SPATA17: variants seen among roughly 807,000 people sequenced by gnomAD.
The protein encoded by SPATA17 is spermatogenesis-associated protein 17.
SPATA17 carries 53 observed loss-of-function variants against 62.2 expected under a neutral mutation model. The observed-to-expected ratio is 0.85, with a 90% CI of 0.68 to 1.07. SPATA17 has a LOEUF of 1.07. Among genes scored for constraint, SPATA17 ranks in the 50% least tolerant of loss-of-function variants. The pLI, the probability that SPATA17 is intolerant of heterozygous loss-of-function variation, is 0.00. For synonymous variants in SPATA17, 146 were observed against 146.8 expected (o/e 0.99, Z 0.04); for missense variants, 466 against 425.5 (o/e 1.10, Z -0.84).
chr1:217,783,124 TATA>T (rs1479140751), intron 8 of SPATA17, among the ~76,000 whole-genome samples: 1 of 150,682 alleles, frequency 6.6e-6, no homozygotes, highest in Admixed American at 6.6e-5. Flanking sequence ...AATATAAAAT[TATA>T]ATCATTTATT....
intron 8 of SPATA17, among the ~76,000 whole-genome samples, chr1:217,794,015 G>C (rs11117938): frequency 0.47 from 70,311 of 150,554 alleles, 17,244 homozygotes; most frequent in Non-Finnish European, 0.55. Flanking sequence ...ACTCTGGAGG[G>C]TAAGGCAGGA....
intron 9 of SPATA17, among the ~76,000 whole-genome samples, chr1:217,839,133 T>C (rs1675332236): frequency 6.6e-6 from 1 of 152,094 alleles, no homozygotes; most frequent in African/African-American, 2.4e-5. Flanking sequence ...TAGTGCAGTG[T>C]CAACCATATC....
intron 9 of SPATA17, among the ~76,000 whole-genome samples, chr1:217,808,946 G>C (rs1368681404): frequency 1.3e-5 from 2 of 152,026 alleles, no homozygotes; most frequent in Admixed American, 6.6e-5. Context: ...TTATATGCCT[G>C]CAACATAAAG....
Position 217,641,101 on chromosome 1 carries a change from G to T in SPATA17, c.69-7781G>T, listed in dbSNP as rs564108904. ...TGTTTCGAAAACAAAATTAAACATA[G>T]AAAATAAGTGGCCGTGGAAGATTTA... On this transcript the variant is annotated intron_variant, in intron 1 of 10. Coordinates refer to ENST00000366933, the MANE Select transcript of SPATA17 (RefSeq NM_138796.4). Among the ~76,000 whole-genome samples, 11 of 152,120 alleles carry T rather than the reference G, an allele frequency of 7.2e-5. No individual in the cohort carries two copies. In the East Asian group the frequency reaches 1.7e-3, roughly 24 times the overall value.
chr1:217,634,670 A>C lies in SPATA17; in HGVS notation c.68+3224A>C, dbSNP rs558026056. Among the ~76,000 whole-genome samples the C allele has an allele frequency of 4.6e-5, 7 of 152,336 alleles. No individual in the cohort carries two copies. The East Asian group carries it at 1.4e-3, about 29-fold the overall frequency. On this transcript the variant is annotated intron_variant, in intron 1 of 10. Coordinates refer to ENST00000366933, the MANE Select transcript of SPATA17 (RefSeq NM_138796.4). Reference sequence around the variant, plus strand: ...TTTGTTATTCCAACAAAGGCAGTCTAGTCCCCAGGCAAGAAGGGGGTTTGC... The same window carrying C: ...TTTGTTATTCCAACAAAGGCAGTCTCGTCCCCAGGCAAGAAGGGGGTTTGC...
At chr1:217,679,474 ATCT>A (rs1407905601) in intron 4 of SPATA17, among the ~76,000 whole-genome samples, 6 of 152,178 alleles carry the variant, frequency 3.9e-5, no homozygotes, top group Non-Finnish European at 5.9e-5. Flanking sequence ...CACTGATGGC[ATCT>A]TCTTCACCCA....
intron 5 of SPATA17, among the ~76,000 whole-genome samples, chr1:217,717,922 A>G (rs74330973): frequency 7.9e-5 from 12 of 152,298 alleles, no homozygotes; most frequent in Non-Finnish European, 1.5e-4. Context: ...GTAATTTGGC[A>G]TCTTAAAATG....
At chr1:217,718,966 G>A (rs1456208190) in intron 5 of SPATA17, among the ~76,000 whole-genome samples, 3 of 152,180 alleles carry the variant, frequency 2.0e-5, no homozygotes, top group Admixed American at 6.5e-5. Flanking sequence ...GTGGTCACTT[G>A]CTCATGAAAC....
chr1:217,852,886 A>G (rs1209350910), intron 9 of SPATA17, among the ~76,000 whole-genome samples: 2 of 152,068 alleles, frequency 1.3e-5, no homozygotes, highest in Non-Finnish European at 2.9e-5. Context: ...TTGAAATTCA[A>G]AGCCCTTTCC....
chr1:217,808,522 A>AT (rs1412740724), intron 9 of SPATA17, among the ~76,000 whole-genome samples: 1 of 152,254 alleles, frequency 6.6e-6, no homozygotes, highest in Non-Finnish European at 1.5e-5. Flanking sequence ...TCATTTGCAT[A>AT]CCGCCTCCTT....
chr1:217,802,982 G>A (rs1020221991), intron 9 of SPATA17, among the ~76,000 whole-genome samples: 2 of 152,008 alleles, frequency 1.3e-5, no homozygotes, highest in African/African-American at 4.8e-5. Flanking sequence ...GCGCAATCTT[G>A]GCTCACTGCA....
chr1:217,767,910 A>T (rs1425607883), intron 6 of SPATA17, among the ~76,000 whole-genome samples: 1 of 152,140 alleles, frequency 6.6e-6, no homozygotes, highest in Non-Finnish European at 1.5e-5. Flanking sequence ...AGTTTCACAC[A>T]CTAGTATGGC....
intron 4 of SPATA17, among the ~76,000 whole-genome samples, chr1:217,672,799 G>T (rs1239698348): frequency 2.0e-5 from 3 of 151,764 alleles, no homozygotes; most frequent in Non-Finnish European, 4.4e-5. Flanking sequence ...TTTTACCATT[G>T]ACATACTTCT....
At chr1:217,795,362 C>CTTTTTTTTTTT (rs71560537) in intron 8 of SPATA17, among the ~76,000 whole-genome samples, 1 of 69,548 alleles carries the variant, frequency 1.4e-5, no homozygotes, top group Non-Finnish European at 2.6e-5. Context: ...ACAAAAGTCT[C>CTTTTTTTTTTT]TTTTTTTTTT....
intron 6 of SPATA17, among the ~76,000 whole-genome samples, chr1:217,754,747 A>T (rs1318330193): frequency 6.6e-6 from 1 of 152,106 alleles, no homozygotes; most frequent in Non-Finnish European, 1.5e-5. Context: ...AGATTTTAAA[A>T]TTTCAGGCTC....
intron 4 of SPATA17, among the ~76,000 whole-genome samples, chr1:217,677,954 T>C (rs1194711700): frequency 6.6e-6 from 1 of 152,144 alleles, no homozygotes; most frequent in East Asian, 1.9e-4. Context: ...GACGTGACAA[T>C]GCAATGATAC....
intron 5 of SPATA17, among the ~76,000 whole-genome samples, chr1:217,715,435 G>C (rs1558577253): frequency 6.6e-6 from 1 of 152,104 alleles, no homozygotes; most frequent in Admixed American, 6.6e-5. Flanking sequence ...ATATTAAAGA[G>C]TTCTTAGATT....
At chr1:217,764,945 G>A (rs1558041134) in intron 6 of SPATA17, among the ~76,000 whole-genome samples, 1 of 152,080 alleles carries the variant, frequency 6.6e-6, no homozygotes, top group Non-Finnish European at 1.5e-5. Flanking sequence ...GATGACAGGA[G>A]ACATCCTTGC....
Position 217,823,799 on chromosome 1 carries a change from G to A in SPATA17, c.1005+21949G>A, listed in dbSNP as rs189652960. On this transcript the variant is annotated intron_variant, in intron 9 of 10. Transcript: ENST00000366933. ...TTATATATTTAAGTGCTCTGTTGTC[G>A]GGTGCATATATTTTTTGATGGTCAT... Among the ~76,000 whole-genome samples, 181 of 151,826 alleles carry A rather than the reference G, an allele frequency of 1.2e-3. 1 individual carries two copies. Among genetic ancestry groups the A allele is most frequent in the Middle Eastern group, 6.8e-3 (2 of 294 alleles).
Sources: gnomAD v4.1 joint callset for allele counts (sites outside exome capture counted in the v4.1 genomes callset) on GRCh38, gnomAD v4.1.1 for gene constraint, MANE v1.5 for transcripts, NCBI Gene and HGNC (gene_info 2026-07-23, HGNC 2026-07-21) for gene names.